Variants in SNTB1 observed in about 807,000 individuals in gnomAD.
The protein encoded by SNTB1 is beta-1-syntrophin.
SNTB1 carries 36 observed loss-of-function variants against 48.9 expected under a neutral mutation model. That is an observed-to-expected ratio of 0.74 (90% confidence interval 0.56 to 0.97). The LOEUF (loss-of-function observed/expected upper bound fraction) is 0.97. Ranked by LOEUF, SNTB1 falls within the 50% of genes least tolerant of loss-of-function variation. SNTB1 has a pLI of 0.00. For missense variants in SNTB1, 786 were observed against 703.4 expected (o/e 1.12, Z -1.33); for synonymous variants, 299 against 294.6 (o/e 1.01, Z -0.15).
chr8:120,758,673 G>C lies in SNTB1; in HGVS notation c.571+52600C>G, dbSNP rs151278723. ...TTTCCAGGCCAAACCACAACATAGT[G>C]TACAGTCAGAATTGCAATTTGGGGA... On this transcript the variant is annotated intron_variant, in intron 1 of 6. Transcript: ENST00000517992. 5.1e-3 allele frequency among the ~76,000 whole-genome samples: 777 copies of C among 152,186 alleles called. 9 individuals are homozygous for C. The highest frequency in any genetic ancestry group is 0.018 in the African/African-American group (755 of 41,516).
intron 1 of SNTB1, among the ~76,000 whole-genome samples, chr8:120,712,979 G>C (rs1382491083): frequency 6.6e-6 from 1 of 152,060 alleles, no homozygotes; most frequent in African/African-American, 2.4e-5. Flanking sequence ...CCCGTCATGT[G>C]GTTTCAGAGA....
Position 120,548,757 on chromosome 8 carries a change from C to T in SNTB1, c.1333+5G>A, listed in dbSNP as rs753293640. 14 of 1,612,880 alleles carry T rather than the reference C, an allele frequency of 8.7e-6. No individual in the cohort carries two copies. Among genetic ancestry groups the T allele is most frequent in the Non-Finnish European group, 1.2e-5 (14 of 1,179,024 alleles). On this transcript the variant is annotated splice_donor_5th_base_variant and intron_variant, in intron 5 of 6. Coordinates refer to ENST00000517992, the MANE Select transcript of SNTB1 (RefSeq NM_021021.4). ...GTGTCCTTGGTAGCTCACTGCAGTACTCACCAGTGCTGATTTCAGCAATGA... is the reference window on the plus strand; with the variant it reads ...GTGTCCTTGGTAGCTCACTGCAGTATTCACCAGTGCTGATTTCAGCAATGA...
chr8:120,569,698 T>C (rs115439365), intron 4 of SNTB1, among the ~76,000 whole-genome samples: 2,458 of 152,316 alleles, frequency 0.016, 66 homozygotes, highest in African/African-American at 0.057. Flanking sequence ...TGCTGTCTGA[T>C]AGAATTTTGG....
At chr8:120,735,909 ACT>A (rs1400169666) in intron 1 of SNTB1, among the ~76,000 whole-genome samples, 4 of 151,936 alleles carry the variant, frequency 2.6e-5, no homozygotes, top group African/African-American at 9.7e-5. Flanking sequence ...TTTATTGTAA[ACT>A]CTGTTCTTTT....
intron 2 of SNTB1, among the ~76,000 whole-genome samples, chr8:120,651,088 C>T (rs1278253638): frequency 6.6e-6 from 1 of 152,134 alleles, no homozygotes; most frequent in Admixed American, 6.5e-5. Context: ...CTTGATGAGT[C>T]TTCCTAGTTT....
intron 3 of SNTB1, among the ~76,000 whole-genome samples, chr8:120,618,829 G>T (rs747444610): frequency 8.5e-5 from 13 of 152,138 alleles, no homozygotes; most frequent in Non-Finnish European, 1.5e-4. Context: ...AGGGCAGAGG[G>T]TGGAAAATCT....
At chr8:120,643,993 C>T (rs1374606639) in intron 2 of SNTB1, among the ~76,000 whole-genome samples, 2 of 151,962 alleles carry the variant, frequency 1.3e-5, no homozygotes, top group Admixed American at 1.3e-4. Flanking sequence ...AGGAAGAGTA[C>T]CAAAGCATCT....
At chr8:120,661,198 A>AG (rs1279696440) in intron 2 of SNTB1, among the ~76,000 whole-genome samples, 2 of 152,022 alleles carry the variant, frequency 1.3e-5, no homozygotes, top group African/African-American at 4.8e-5. Flanking sequence ...AATTTGTTAA[A>AG]AAAAAAAAAG....
At chr8:120,640,904 A>G (rs1242774871) in intron 2 of SNTB1, among the ~76,000 whole-genome samples, 1 of 152,164 alleles carries the variant, frequency 6.6e-6, no homozygotes, top group African/African-American at 2.4e-5. Flanking sequence ...TGAGTTAGGG[A>G]GAATTCCCTC....
At position 120,583,514 on chromosome 8, in the gene SNTB1, A is replaced by AACACACACAC. The variant is rs10524445; in HGVS notation, c.997-8299_997-8290dup. ...GTGAAAGAGGGAAACTCCGTCTCAA[A>AACACACACAC]ACACACACACACACACACACACACA... On this transcript the variant is annotated intron_variant, in intron 3 of 6. Coordinates refer to ENST00000517992, the MANE Select transcript of SNTB1 (RefSeq NM_021021.4). Among the ~76,000 whole-genome samples, 450 of 143,134 alleles carry AACACACACAC rather than the reference A, an allele frequency of 3.1e-3. 2 individuals are homozygous for AACACACACAC. The highest frequency in any genetic ancestry group is 0.011 in the African/African-American group (412 of 37,024). The allele number at this position is 143,134 out of a possible 152,430, so 93.9% of individuals were successfully genotyped here.
rs1354900149 is a variant in SNTB1, at chr8:120,811,918, GC to G, written c.-76del. Reference sequence around the variant, plus strand: ...GGGGAAGGGTGGCCGGGGGGAGGACGCGGGGCCCGGGGGAGCGAGGAGAGTG... The same window carrying G: ...GGGGAAGGGTGGCCGGGGGGAGGACGGGGGCCCGGGGGAGCGAGGAGAGTG... On this transcript the variant is annotated 5_prime_UTR_variant, in exon 1 of 7. Coordinates refer to ENST00000517992, the MANE Select transcript of SNTB1 (RefSeq NM_021021.4). The G allele has an allele frequency of 5.7e-5, 73 of 1,287,018 alleles. 1 individual carries two copies. Among genetic ancestry groups the G allele is most frequent in the Middle Eastern group, 5.9e-4 (2 of 3,410 alleles). The allele number at this position is 1,287,018 out of a possible 1,614,324, so 79.7% of individuals were successfully genotyped here. A position where few individuals can be genotyped will look rare whatever the true frequency, so the allele number is the denominator to read the frequency against.
chr8:120,573,411 T>C (rs542892416), intron 4 of SNTB1, among the ~76,000 whole-genome samples: 41 of 152,206 alleles, frequency 2.7e-4, no homozygotes, highest in African/African-American at 9.6e-4. Flanking sequence ...TTTTTTGCTA[T>C]TGAAATGTAA....
rs539711225 is a variant in SNTB1 at position 120,565,460 on chromosome 8, C to T, written c.1136+9626G>A. Among the ~76,000 whole-genome samples, 5 of 152,256 alleles carry T rather than the reference C, an allele frequency of 3.3e-5. No individual in the cohort carries two copies. In the East Asian group the frequency reaches 7.7e-4, roughly 23 times the overall value. ...CTTGGTAAGTAGCAAGGCTGGGATT[C>T]GGAGCCAGGTTGTCAGTTTCCAGAA... On this transcript the variant is annotated intron_variant, in intron 4 of 6. Transcript: ENST00000517992.
At chr8:120,671,818 CTTT>C (rs1817762245) in intron 2 of SNTB1, among the ~76,000 whole-genome samples, 1 of 152,204 alleles carries the variant, frequency 6.6e-6, no homozygotes, top group Non-Finnish European at 1.5e-5. Context: ...AGTATTGCTT[CTTT>C]GAGAGGAGAA....
intron 3 of SNTB1, among the ~76,000 whole-genome samples, chr8:120,590,633 T>C (rs1816222622): frequency 6.6e-6 from 1 of 152,098 alleles, no homozygotes; most frequent in Non-Finnish European, 1.5e-5. Context: ...AGTCTCATCT[T>C]TGCTTCTCCT....
rs187607437 is a variant in SNTB1, at chr8:120,704,418, T to A, written c.572-10510A>T. 8.9e-4 allele frequency among the ~76,000 whole-genome samples: 135 copies of A among 152,014 alleles called. 1 individual carries two copies. Among genetic ancestry groups the A allele is most frequent in the Non-Finnish European group, 2.9e-4 (20 of 67,998 alleles). On this transcript the variant is annotated intron_variant, in intron 1 of 6. Transcript: ENST00000517992. ...CTGCAGTGAGCTATGATCATGCCACTGCACTCCAGCCTGTGCAAAAGAACG... is the reference window on the plus strand; with the variant it reads ...CTGCAGTGAGCTATGATCATGCCACAGCACTCCAGCCTGTGCAAAAGAACG...
chr8:120,643,061 T>C (rs548950030), intron 2 of SNTB1, among the ~76,000 whole-genome samples: 1 of 152,214 alleles, frequency 6.6e-6, no homozygotes, highest in Non-Finnish European at 1.5e-5. Context: ...ATCTGAAGGC[T>C]TGACTGGGGT....
chr8:120,788,163 T>C (rs935506590), intron 1 of SNTB1, among the ~76,000 whole-genome samples: 2 of 152,142 alleles, frequency 1.3e-5, no homozygotes, highest in African/African-American at 4.8e-5. Context: ...TAGTCTTTTT[T>C]AGGTGAGCAA....
At chr8:120,575,316 A>G in intron 3 of SNTB1, 91 bp from the exon 4 acceptor site, 1 of 1,430,772 alleles carries the variant, frequency 7.0e-7, no homozygotes, top group Non-Finnish European at 9.7e-7. Flanking sequence ...GGACTCAGCA[A>G]TACATTGAGT....
Sources: allele counts gnomAD v4.1 joint callset (sites outside exome capture counted in the v4.1 genomes callset), GRCh38; gene constraint gnomAD v4.1.1; transcripts MANE v1.5; gene names NCBI Gene and HGNC (gene_info 2026-07-23, HGNC 2026-07-21).